The following TMEM245 variants were observed in gnomAD, a reference collection of about 807,000 sequenced individuals.
TMEM245 encodes the protein protein CG-2.
Under a neutral mutation model 101.2 loss-of-function variants are expected in TMEM245, and 69 were observed. The ratio of observed to expected loss-of-function variants is 0.68; its 90% confidence interval spans 0.56 to 0.83. The LOEUF (loss-of-function observed/expected upper bound fraction) is 0.83. Among genes scored for constraint, TMEM245 ranks in the 40% least tolerant of loss-of-function variants. The probability of loss-of-function intolerance (pLI) is 0.00; values close to 1 mark genes in which losing one functional copy is unlikely to be tolerated. For synonymous variants in TMEM245, 537 were observed against 449.8 expected, an observed-to-expected ratio of 1.19 and a Z score of -2.45; for missense variants, 1,075 against 1,092.8, an observed-to-expected ratio of 0.98 and a Z score of 0.23.
At position 109,050,326 on chromosome 9, in the gene TMEM245, G is replaced by A; in HGVS notation, c.2080C>T (p.Pro694Ser). The change falls in exon 14 of 18, where the codon CCT (proline) becomes TCT (serine). Residue 694 changes from proline (P) to serine (S), a missense_variant. Pro to Ser is a moderately conservative substitution (Grantham distance 74, BLOSUM62 -1). This residue lies in a region of TMEM245 where 267 missense variants were observed against 351.3 expected (regional missense o/e 0.76). Coordinates refer to ENST00000374586, the MANE Select transcript of TMEM245 (RefSeq NM_032012.4). ...ISLTPLSQPGPSSNIIGQSVE... is the reference protein window; with the variant it reads ...ISLTPLSQPGSSSNIIGQSVE... Reference sequence around the variant, plus strand: ...GACTGGCCAATAATATTAGAAGAAGGACCTGGCTGAGATAGTGGAGTCAGG... The same window carrying A: ...GACTGGCCAATAATATTAGAAGAAGAACCTGGCTGAGATAGTGGAGTCAGG... 1 of 1,614,046 alleles carries A rather than the reference G, an allele frequency of 6.2e-7. No homozygotes were observed. The highest frequency in any genetic ancestry group is 8.5e-7 in the Non-Finnish European group (1 of 1,180,000).
At chr9:109,033,250 A>C in intron 17 of TMEM245, 57 bp downstream of exon 17, 1 of 1,452,648 alleles carries the variant, frequency 6.9e-7, no homozygotes. Flanking sequence ...TATCAAATAC[A>C]GAGACAGGAC....
intron 14 of TMEM245, among the ~76,000 whole-genome samples, chr9:109,040,311 GCAA>G (rs576185040): frequency 2.2e-4 from 33 of 152,162 alleles, no homozygotes; most frequent in African/African-American, 7.5e-4. Context: ...CAAATTCCTA[GCAA>G]CTTTTTCTTC....
At chr9:109,084,597 G>A (rs918150808) in intron 7 of TMEM245, among the ~76,000 whole-genome samples, 4 of 152,092 alleles carry the variant, frequency 2.6e-5, no homozygotes, top group Non-Finnish European at 5.9e-5. Flanking sequence ...CAAAATCATC[G>A]CTTGAGCCCA....
chr9:109,036,523 A>G, intron 15 of TMEM245, 143 bp from the exon 16 acceptor site: 1 of 785,812 alleles, frequency 1.3e-6, no homozygotes, highest in South Asian at 2.3e-5. Context: ...GGGAAATGAT[A>G]TGCCCTATCT....
intron 3 of TMEM245, among the ~76,000 whole-genome samples, chr9:109,105,840 G>A (rs986319343): frequency 2.0e-5 from 3 of 151,918 alleles, no homozygotes; most frequent in East Asian, 1.9e-4. Context: ...GTGCGATCTC[G>A]GCTCTCACTG....
chr9:109,107,106 G>A (rs906038446), intron 2 of TMEM245, among the ~76,000 whole-genome samples: 2 of 152,042 alleles, frequency 1.3e-5, no homozygotes, highest in Non-Finnish European at 2.9e-5. Flanking sequence ...TTTACAAGTT[G>A]GCTGGGCGCA....
chr9:109,080,434 TCAG>T (rs1829633954), intron 8 of TMEM245, among the ~76,000 whole-genome samples: 2 of 152,122 alleles, frequency 1.3e-5, no homozygotes, highest in South Asian at 4.1e-4. Flanking sequence ...ATGGTATATA[TCAG>T]CAGAAGGATC....
At chr9:109,038,168 T>C (rs1397594565) in intron 14 of TMEM245, 51 bp from the exon 15 acceptor site, 3 of 1,447,728 alleles carry the variant, frequency 2.1e-6, no homozygotes, top group Non-Finnish European at 2.8e-6. Flanking sequence ...TGTCATATCG[T>C]GATTCAGAAA....
At chr9:109,033,883 T>G (rs1199450113) in intron 16 of TMEM245, among the ~76,000 whole-genome samples, 1 of 152,232 alleles carries the variant, frequency 6.6e-6, no homozygotes, top group Non-Finnish European at 1.5e-5. Flanking sequence ...GAGCACAATT[T>G]AGCATGTAAT....
At chr9:109,032,804 G>C (rs1176716010) in intron 17 of TMEM245, among the ~76,000 whole-genome samples, 1 of 139,176 alleles carries the variant, frequency 7.2e-6, no homozygotes, top group Non-Finnish European at 1.6e-5. Context: ...ACCCAATATA[G>C]GTCTTTTTTT....
At chr9:109,057,421 A>C in intron 11 of TMEM245, 99 bp from the exon 12 acceptor site, 5 of 1,360,310 alleles carry the variant, frequency 3.7e-6, no homozygotes, top group Non-Finnish European at 1.0e-6. Context: ...TCATCACTTC[A>C]GTAAGTACTC....
In TMEM245 at chr9:109,109,436, CA is replaced by C. The variant is rs112675103; in HGVS notation, c.580-867del. ...AAGTCAAGTATGACATGAACCTTGC[CA>C]AAAAAAAAAGCAAATTAAGACAAAA... On this transcript the variant is annotated intron_variant, in intron 1 of 17. Coordinates refer to ENST00000374586, the MANE Select transcript of TMEM245 (RefSeq NM_032012.4). Among the ~76,000 whole-genome samples the C allele has an allele frequency of 1.3e-3, 162 of 120,024 alleles. 3 individuals are homozygous for C. In the South Asian group the frequency reaches 0.034, roughly 25 times the overall value. 78.7% of individuals were successfully genotyped at this position (120,024 alleles called of 152,430 possible). A position where few individuals can be genotyped will look rare whatever the true frequency, so the allele number is the denominator to read the frequency against.
At chr9:109,036,695 A>C (rs1314322063) in intron 15 of TMEM245, among the ~76,000 whole-genome samples, 1 of 152,214 alleles carries the variant, frequency 6.6e-6, no homozygotes, top group Non-Finnish European at 1.5e-5. Context: ...TCCTATAAAT[A>C]CACCTACAGA....
At chr9:109,060,980 A>C (rs1828994370) in intron 10 of TMEM245, among the ~76,000 whole-genome samples, 1 of 152,216 alleles carries the variant, frequency 6.6e-6, no homozygotes, top group Admixed American at 6.5e-5. Context: ...CACTGAGACA[A>C]CGTAACTTAG....
intron 3 of TMEM245, among the ~76,000 whole-genome samples, chr9:109,099,795 T>A (rs888331467): frequency 3.9e-5 from 6 of 152,200 alleles, no homozygotes; most frequent in Admixed American, 3.3e-4. Context: ...TATGTTAAAT[T>A]TAATTGCCGT....
intron 1 of TMEM245, among the ~76,000 whole-genome samples, chr9:109,111,215 G>A (rs758684753): frequency 1.3e-5 from 2 of 152,104 alleles, no homozygotes; most frequent in African/African-American, 4.8e-5. Flanking sequence ...GTGGGAATTA[G>A]GAAATAACAC....
chr9:109,077,538 T>C (rs1016332071), intron 8 of TMEM245, among the ~76,000 whole-genome samples: 3 of 152,236 alleles, frequency 2.0e-5, no homozygotes, highest in Non-Finnish European at 2.9e-5. Flanking sequence ...TGAACTATAA[T>C]CATAGATTTG....
chr9:109,044,563 G>A (rs1828417821), intron 14 of TMEM245, among the ~76,000 whole-genome samples: 1 of 152,056 alleles, frequency 6.6e-6, no homozygotes, highest in Non-Finnish European at 1.5e-5. Context: ...GTCTCAAGTA[G>A]AAAGTGAGCT....
chr9:109,021,481 C>G (rs1192680168), intron 17 of TMEM245, among the ~76,000 whole-genome samples: 1 of 145,476 alleles, frequency 6.9e-6, no homozygotes, highest in Admixed American at 7.1e-5. Flanking sequence ...AAATATTTGA[C>G]TTTACAGTTG....
Sources: allele counts gnomAD v4.1 joint callset (sites outside exome capture counted in the v4.1 genomes callset), GRCh38; gene constraint gnomAD v4.1.1; regional missense constraint gnomAD v4.1.1; transcripts MANE v1.5; gene names NCBI Gene and HGNC (gene_info 2026-07-23, HGNC 2026-07-21).